The following XIRP2 variants were observed in gnomAD, a reference collection of about 807,000 sequenced individuals.
XIRP2 encodes xin actin binding repeat containing 2, also known as xin actin-binding repeat-containing protein 2.
A neutral mutation model predicts 277.0 loss-of-function variants in XIRP2; 236 were observed. The observed-to-expected ratio is 0.85, with a 90% confidence interval of 0.77 to 0.95. The LOEUF is 0.95. XIRP2 is among the 40% of genes least tolerant of loss of function. XIRP2 has a pLI of 0.00. For synonymous variants in XIRP2, 1,490 were observed against 1,416.5 expected (o/e 1.05, Z -1.17); for missense variants, 4,640 against 4,157.5 (o/e 1.12, Z -3.19).
At chr2:167,016,085 G>A (rs1687820971) in intron 2 of XIRP2, among the ~76,000 whole-genome samples, 1 of 151,538 alleles carries the variant, frequency 6.6e-6, no homozygotes, top group East Asian at 1.9e-4. Context: ...TTCATGTAAA[G>A]CAATATTCTT....
At position 166,900,505 on chromosome 2, in the gene XIRP2, G is replaced by T. The variant is rs908196241; in HGVS notation, c.-18-2960G>T. ...GTGTCTGTTGATTGTTTTCTGCTTT[G>T]GTTTAGGTCTTTGGTGGCTCTTAAT... On this transcript the variant is annotated intron_variant, in intron 1 of 10. Transcript: ENST00000409195. 3.9e-5 allele frequency among the ~76,000 whole-genome samples: 6 copies of T among 151,946 alleles called. No homozygotes were observed. The South Asian group carries it at 1.2e-3, about 32-fold the overall frequency.
intron 2 of XIRP2, among the ~76,000 whole-genome samples, chr2:167,004,923 T>G (rs1687467374): frequency 6.6e-6 from 1 of 151,924 alleles, no homozygotes; most frequent in Non-Finnish European, 1.5e-5. Flanking sequence ...TTTTCATTTT[T>G]AACTGACATG....
intron 2 of XIRP2, among the ~76,000 whole-genome samples, chr2:166,979,552 G>A (rs1012736157): frequency 6.6e-6 from 1 of 151,454 alleles, no homozygotes. Flanking sequence ...GACTAAAAAA[G>A]TTCTTTTTTA....
intron 2 of XIRP2, among the ~76,000 whole-genome samples, chr2:167,063,184 C>T (rs965312888): frequency 6.6e-5 from 10 of 151,564 alleles, no homozygotes; most frequent in Admixed American, 2.0e-4. Context: ...CTCCTTTAAC[C>T]AGAAGTTGCT....
At chr2:167,001,393 T>G (rs904831595) in intron 2 of XIRP2, among the ~76,000 whole-genome samples, 2 of 152,170 alleles carry the variant, frequency 1.3e-5, no homozygotes, top group Non-Finnish European at 2.9e-5. Context: ...GGGATCATAT[T>G]GAATAAGCAG....
chr2:167,058,130 G>A (rs1001389181), intron 2 of XIRP2, among the ~76,000 whole-genome samples: 3 of 149,614 alleles, frequency 2.0e-5, no homozygotes, highest in Admixed American at 6.7e-5. Context: ...TGGCATGATC[G>A]CGGCTCACTG....
rs1435959635 is a variant in XIRP2 at position 167,251,286 on chromosome 2, G to C, written c.9894G>C (p.Lys3298Asn). Residue 3298 changes from lysine (K) to asparagine (N), a missense_variant, in exon 9 of 11, where the codon AAG (lysine) becomes AAC (asparagine). Transcript: ENST00000409195. ...ATGATGCAGTTGAAATCATCCGCAAGGTTGCAGTGCCTCCTCGCCTGTCAG... is the reference window on the plus strand; with the variant it reads ...ATGATGCAGTTGAAATCATCCGCAACGTTGCAGTGCCTCCTCGCCTGTCAG... ...ESYDAVEIIR[K>N]VAVPPRLSEH... is the part of the protein sequence containing the mutation. 1 of 1,613,548 alleles carries C rather than the reference G, an allele frequency of 6.2e-7. No individual in the cohort carries two copies. Among genetic ancestry groups the C allele is most frequent in the Non-Finnish European group, 8.5e-7 (1 of 1,179,666 alleles).
At chr2:167,170,119 A>G (rs1401691956) in intron 3 of XIRP2, among the ~76,000 whole-genome samples, 4 of 152,148 alleles carry the variant, frequency 2.6e-5, no homozygotes, top group Non-Finnish European at 5.9e-5. Flanking sequence ...GAATGCTGCC[A>G]AGTACGTTTC....
chr2:167,018,948 T>C (rs1370952808), intron 2 of XIRP2, among the ~76,000 whole-genome samples: 1 of 151,864 alleles, frequency 6.6e-6, no homozygotes, highest in African/African-American at 2.4e-5. Context: ...AGGCAGGGAT[T>C]TTTTTTTCTT....
intron 1 of XIRP2, among the ~76,000 whole-genome samples, chr2:166,895,409 T>A (rs944414187): frequency 5.3e-5 from 8 of 152,174 alleles, no homozygotes; most frequent in Non-Finnish European, 7.4e-5. Flanking sequence ...GACAACCACC[T>A]GATCTAAAGT....
intron 2 of XIRP2, among the ~76,000 whole-genome samples, chr2:167,051,859 TTAAG>T (rs1688922562): frequency 6.6e-6 from 1 of 152,090 alleles, no homozygotes; most frequent in Non-Finnish European, 1.5e-5. Context: ...AAATTTGCCT[TTAAG>T]AAGCAAATGG....
intron 2 of XIRP2, among the ~76,000 whole-genome samples, chr2:167,074,709 G>A (rs988313129): frequency 6.6e-6 from 1 of 151,666 alleles, no homozygotes; most frequent in African/African-American, 2.4e-5. Flanking sequence ...ACAGAATCCC[G>A]GCTCACTGCA....
At chr2:166,919,440 C>T (rs1684979692) in intron 2 of XIRP2, among the ~76,000 whole-genome samples, 1 of 152,154 alleles carries the variant, frequency 6.6e-6, no homozygotes, top group African/African-American at 2.4e-5. Context: ...CATGGTAATG[C>T]AACGTAATGC....
intron 3 of XIRP2, among the ~76,000 whole-genome samples, chr2:167,201,250 G>GAAAGAAAGAA (rs1559018383): frequency 1.1e-5 from 1 of 92,814 alleles, no homozygotes; most frequent in African/African-American, 7.9e-5. Flanking sequence ...AAGAAAGAAA[G>GAAAGAAAGAA]AAAGAAAGAA....
intron 2 of XIRP2, among the ~76,000 whole-genome samples, chr2:166,974,422 CA>C (rs751040769): frequency 1.3e-5 from 2 of 151,776 alleles, no homozygotes; most frequent in Non-Finnish European, 2.9e-5. Context: ...ATAAACTAAG[CA>C]AAAACTAAAA....
At chr2:166,944,864 T>C (rs922207514) in intron 2 of XIRP2, among the ~76,000 whole-genome samples, 25 of 152,196 alleles carry the variant, frequency 1.6e-4, no homozygotes, top group Non-Finnish European at 2.9e-4. Flanking sequence ...TGGGGTTTGA[T>C]TGCAGATTGG....
intron 2 of XIRP2, among the ~76,000 whole-genome samples, chr2:167,018,582 A>G (rs902368160): frequency 6.6e-6 from 1 of 151,994 alleles, no homozygotes. Context: ...CCACAGACAT[A>G]GAAGAGTCCC....
At chr2:167,191,484 A>G (rs965467935) in intron 3 of XIRP2, among the ~76,000 whole-genome samples, 1 of 152,048 alleles carries the variant, frequency 6.6e-6, no homozygotes, top group Non-Finnish European at 1.5e-5. Context: ...TACATTTCCA[A>G]GTATATCTTG....
chr2:167,047,750 T>C (rs1688819617), intron 2 of XIRP2, among the ~76,000 whole-genome samples: 2 of 151,956 alleles, frequency 1.3e-5, no homozygotes, highest in Non-Finnish European at 1.5e-5. Context: ...TTGATTTCTT[T>C]ATGGCTATGC....
Sources: allele counts gnomAD v4.1 joint callset (sites outside exome capture counted in the v4.1 genomes callset), GRCh38; gene constraint gnomAD v4.1.1; transcripts MANE v1.5; gene names NCBI Gene and HGNC (gene_info 2026-07-23, HGNC 2026-07-21).